The following MAN2A1 variants were observed in gnomAD, a reference collection of about 807,000 sequenced individuals.
MAN2A1 encodes the protein alpha-mannosidase 2.
A neutral mutation model predicts 142.6 loss-of-function variants in MAN2A1; 76 were observed. The observed-to-expected ratio is 0.53, with a 90% CI of 0.44 to 0.65. The LOEUF (loss-of-function observed/expected upper bound fraction) is 0.65. Ranked by LOEUF, MAN2A1 falls within the 30% of genes least tolerant of loss-of-function variation. The pLI, the probability that MAN2A1 is intolerant of heterozygous loss-of-function variation, is 0.00. For synonymous variants in MAN2A1, 559 were observed against 473.2 expected (o/e 1.18, Z -2.35); for missense variants, 1,311 against 1,365.1 (o/e 0.96, Z 0.62).
chr5:109,830,508 G>A (rs1024254630), intron 16 of MAN2A1, among the ~76,000 whole-genome samples: 2 of 152,108 alleles, frequency 1.3e-5, no homozygotes, highest in African/African-American at 4.8e-5. Flanking sequence ...CTGAATCTGG[G>A]GCTTCCATCC....
At chr5:109,820,144 A>G (rs576120243) in intron 14 of MAN2A1, 76 bp from the exon 15 acceptor site, 1 of 1,285,044 alleles carries the variant, frequency 7.8e-7, no homozygotes, top group Non-Finnish European at 1.1e-6. Flanking sequence ...TTAAATTGTC[A>G]TATACATAGA....
At chr5:109,807,627 C>T (rs1160285614) in intron 12 of MAN2A1, among the ~76,000 whole-genome samples, 1 of 152,032 alleles carries the variant, frequency 6.6e-6, no homozygotes, top group Non-Finnish European at 1.5e-5. Flanking sequence ...TTGGATCGTC[C>T]CTCTAATAAG....
chr5:109,746,972 C>T (rs1339267095), intron 4 of MAN2A1, among the ~76,000 whole-genome samples: 3 of 152,184 alleles, frequency 2.0e-5, no homozygotes, highest in African/African-American at 2.4e-5. Flanking sequence ...ACATGATATT[C>T]CCCTGTATGT....
At chr5:109,849,696 A>G (rs949815284) in intron 19 of MAN2A1, among the ~76,000 whole-genome samples, 2 of 151,458 alleles carry the variant, frequency 1.3e-5, no homozygotes, top group African/African-American at 2.4e-5. Flanking sequence ...CCCAGAAGGC[A>G]GAATGGTTTT....
intron 4 of MAN2A1, among the ~76,000 whole-genome samples, chr5:109,739,145 A>G (rs1380860245): frequency 6.6e-6 from 1 of 152,122 alleles, no homozygotes; most frequent in Non-Finnish European, 1.5e-5. Flanking sequence ...CTCAGTCCGT[A>G]TAATGGGAAG....
rs147729182 is a variant in MAN2A1 at position 109,794,946 on chromosome 5, G to T, written c.1943+5419G>T. 1.6e-4 allele frequency among the ~76,000 whole-genome samples: 25 copies of T among 151,964 alleles called. No individual in the cohort carries two copies. The East Asian group carries it at 4.8e-3, about 29-fold the overall frequency. ...TCCAGAAGCACTTTTCATCTTGTCTGTAGTCTACTGGAGTGTTTTCAGAAA... is the reference window on the plus strand; with the variant it reads ...TCCAGAAGCACTTTTCATCTTGTCTTTAGTCTACTGGAGTGTTTTCAGAAA... On this transcript the variant is annotated intron_variant, in intron 12 of 21. Coordinates refer to ENST00000261483, the MANE Select transcript of MAN2A1 (RefSeq NM_002372.4).
chr5:109,789,900 A>G (rs917433615), intron 12 of MAN2A1, among the ~76,000 whole-genome samples: 1 of 151,818 alleles, frequency 6.6e-6, no homozygotes, highest in Non-Finnish European at 1.5e-5. Context: ...TATATGAAAG[A>G]AGAAACTTTA....
At chr5:109,848,790 A>G (rs1227881722) in intron 19 of MAN2A1, among the ~76,000 whole-genome samples, 1 of 152,208 alleles carries the variant, frequency 6.6e-6, no homozygotes, top group African/African-American at 2.4e-5. Context: ...TAAAAGTAGA[A>G]ATGGAATACA....
chr5:109,790,389 AG>A (rs1393097156), intron 12 of MAN2A1, among the ~76,000 whole-genome samples: 2 of 151,928 alleles, frequency 1.3e-5, no homozygotes, highest in African/African-American at 4.8e-5. Flanking sequence ...TGTTAAGCAT[AG>A]ACTAAAGTCT....
At chr5:109,755,093 C>T (rs1413182123) in intron 4 of MAN2A1, among the ~76,000 whole-genome samples, 1 of 152,118 alleles carries the variant, frequency 6.6e-6, no homozygotes, top group Non-Finnish European at 1.5e-5. Flanking sequence ...TGGAAGGAAC[C>T]TCCAGAATGA....
intron 4 of MAN2A1, among the ~76,000 whole-genome samples, chr5:109,733,348 C>G (rs996582745): frequency 3.9e-5 from 6 of 152,152 alleles, no homozygotes; most frequent in African/African-American, 1.4e-4. Flanking sequence ...ATTGAATGCC[C>G]TTTATTTCCT....
At chr5:109,841,838 C>T (rs1007895353) in intron 16 of MAN2A1, among the ~76,000 whole-genome samples, 4 of 152,188 alleles carry the variant, frequency 2.6e-5, no homozygotes, top group Non-Finnish European at 5.9e-5. Context: ...ATTAGATCTC[C>T]TGTCTCTTTT....
chr5:109,726,015 T>C (rs1053374089), intron 3 of MAN2A1, among the ~76,000 whole-genome samples: 1 of 152,206 alleles, frequency 6.6e-6, no homozygotes, highest in Middle Eastern at 3.2e-3. Flanking sequence ...TTAAAATAGC[T>C]ATTAGCTTTT....
intron 9 of MAN2A1, among the ~76,000 whole-genome samples, chr5:109,784,244 A>G (rs538064299): frequency 1.3e-5 from 2 of 152,148 alleles, no homozygotes; most frequent in Admixed American, 1.3e-4. Context: ...CCCCTGAACT[A>G]TTCTTGGGCC....
At chr5:109,698,939 C>T (rs1434171429) in intron 1 of MAN2A1, among the ~76,000 whole-genome samples, 1 of 152,102 alleles carries the variant, frequency 6.6e-6, no homozygotes, top group Non-Finnish European at 1.5e-5. Flanking sequence ...GTGGTTCCTT[C>T]TTTAAATATA....
At chr5:109,814,801 G>A (rs965382987) in intron 12 of MAN2A1, among the ~76,000 whole-genome samples, 8 of 152,008 alleles carry the variant, frequency 5.3e-5, no homozygotes, top group African/African-American at 1.9e-4. Context: ...TTTCATAGAA[G>A]GAATTAGTGT....
chr5:109,831,694 T>C (rs931441290), intron 16 of MAN2A1, among the ~76,000 whole-genome samples: 14 of 152,214 alleles, frequency 9.2e-5, no homozygotes, highest in African/African-American at 2.4e-4. Context: ...CATTATTTTC[T>C]CCTTATAATT....
In MAN2A1 at chr5:109,804,920, A is replaced by G. The variant is rs1416438814; in HGVS notation, c.1944-12353A>G. Among the ~76,000 whole-genome samples the G allele has an allele frequency of 2.0e-5, 3 of 152,184 alleles. No individual in the cohort carries two copies. In the South Asian group the frequency reaches 6.2e-4, roughly 31 times the overall value. On this transcript the variant is annotated intron_variant, in intron 12 of 21. Coordinates refer to ENST00000261483, the MANE Select transcript of MAN2A1 (RefSeq NM_002372.4). ...TTTGTGAAAATTAGGTTGTTTATGT[A>G]CTATGTGTTCTTCCAAAGTTACAGA...
At chr5:109,764,460 A>G (rs1436319792) in intron 5 of MAN2A1, among the ~76,000 whole-genome samples, 4 of 152,090 alleles carry the variant, frequency 2.6e-5, no homozygotes, top group Admixed American at 2.0e-4. Context: ...GATTTTTCTT[A>G]TATTGTACTT....
Sources: gnomAD v4.1 joint callset for allele counts (sites outside exome capture counted in the v4.1 genomes callset) on GRCh38, gnomAD v4.1.1 for gene constraint, MANE v1.5 for transcripts, NCBI Gene and HGNC (gene_info 2026-07-23, HGNC 2026-07-21) for gene names.